The following DNAH11 variants were observed in gnomAD, a reference collection of about 807,000 sequenced individuals.
The protein encoded by DNAH11 is axonemal beta dynein heavy chain 11.
DNAH11 carries 442 observed loss-of-function variants against 526.0 expected under a neutral mutation model. The ratio of observed to expected loss-of-function variants is 0.84; its 90% CI spans 0.78 to 0.91. The LOEUF (loss-of-function observed/expected upper bound fraction) is 0.91, where lower values mean the gene tolerates loss of function less well. Among genes scored for constraint, DNAH11 ranks in the 40% least tolerant of loss-of-function variants. The pLI, the probability that DNAH11 is intolerant of heterozygous loss-of-function variation, is 0.00. For missense variants in DNAH11, 6,989 were observed against 5,448.7 expected (o/e 1.28, Z -8.90); for synonymous variants, 2,461 against 1,935.9 (o/e 1.27, Z -7.12).
At chr7:21,698,930 A>G (rs1252508510) in intron 36 of DNAH11, among the ~76,000 whole-genome samples, 4 of 152,136 alleles carry the variant, frequency 2.6e-5, no homozygotes, top group African/African-American at 9.6e-5. Flanking sequence ...ATAAAATTCG[A>G]AAAACTTATT....
intron 79 of DNAH11, among the ~76,000 whole-genome samples, chr7:21,897,937 T>A (rs2128050900): frequency 6.6e-6 from 1 of 152,344 alleles, no homozygotes; most frequent in South Asian, 2.1e-4. Context: ...TTTCATTTTA[T>A]TGCTTTCACT....
At chr7:21,737,681 A>G (rs1217459908) in intron 46 of DNAH11, among the ~76,000 whole-genome samples, 1 of 152,222 alleles carries the variant, frequency 6.6e-6, no homozygotes, top group Non-Finnish European at 1.5e-5. Context: ...CTGTGGTTGG[A>G]CAAACATGGG....
At chr7:21,764,538 A>G (rs911486058) in intron 54 of DNAH11, among the ~76,000 whole-genome samples, 3 of 152,140 alleles carry the variant, frequency 2.0e-5, no homozygotes, top group Admixed American at 2.0e-4. Context: ...TCACGTACGC[A>G]GGGACTTGAG....
intron 40 of DNAH11, among the ~76,000 whole-genome samples, chr7:21,708,881 C>A (rs1387037713): frequency 6.6e-6 from 1 of 152,078 alleles, no homozygotes; most frequent in Admixed American, 6.6e-5. Context: ...AAATCAAAAT[C>A]ACAATGAGAT....
intron 28 of DNAH11, among the ~76,000 whole-genome samples, chr7:21,649,881 G>C (rs2128463403): frequency 6.6e-6 from 1 of 152,172 alleles, no homozygotes; most frequent in East Asian, 1.9e-4. Flanking sequence ...GGCCAGGCTG[G>C]TCTCAAACTT....
Position 21,901,104 on chromosome 7 carries a change from GGACA to G in DNAH11, c.13406_13409del (p.Arg4469LysfsTer16). 1 of 1,613,544 alleles carries G rather than the reference GGACA, an allele frequency of 6.2e-7. No homozygotes were observed. The highest frequency in any genetic ancestry group is 8.5e-7 in the Non-Finnish European group (1 of 1,179,600). On this transcript the variant is annotated frameshift_variant, in exon 82 of 82. Transcript: ENST00000409508. LOFTEE classifies it high-confidence loss of function. ...TCATCTTTGCAAAAGCCACCCCCGT[GGACA>G]GACAAGAAACCAAACAGACCTACGA...
intron 62 of DNAH11, among the ~76,000 whole-genome samples, chr7:21,805,275 C>T (rs947312288): frequency 3.9e-5 from 6 of 152,260 alleles, no homozygotes; most frequent in Admixed American, 6.5e-5. Context: ...TGTATGCATA[C>T]GCACAAATAC....
chr7:21,752,131 G>A (rs550542207), intron 54 of DNAH11, among the ~76,000 whole-genome samples: 1 of 152,372 alleles, frequency 6.6e-6, no homozygotes, highest in Non-Finnish European at 1.5e-5. Context: ...GAGGCATGAT[G>A]AAATTTAAGA....
rs1421038751 is a variant in DNAH11, at chr7:21,655,882, T to G, written c.4995T>G (p.Phe1665Leu). Residue 1665 changes from phenylalanine to leucine, a missense_variant, in exon 29 of 82, where the codon TTT becomes TTG. Phe to Leu is a conservative substitution (Grantham distance 22). Transcript: ENST00000409508. ...TCGACAGCATTGCAGATCTGCAGTTTGAAGACAATCAGGATGTTTCTGCAC... is the reference window on the plus strand; with the variant it reads ...TCGACAGCATTGCAGATCTGCAGTTGGAAGACAATCAGGATGTTTCTGCAC... The part of the protein sequence containing the change: ...KLFDSIADLQ[F>L]EDNQDVSAHR... The G allele has an allele frequency of 1.2e-6, 2 of 1,613,414 alleles. No individual in the cohort carries two copies. Among genetic ancestry groups the G allele is most frequent in the Non-Finnish European group, 1.7e-6 (2 of 1,179,564 alleles).
chr7:21,854,887 A>T (rs921076124), intron 68 of DNAH11, among the ~76,000 whole-genome samples: 1 of 152,128 alleles, frequency 6.6e-6, no homozygotes, highest in African/African-American at 2.4e-5. Context: ...AGGAGTCATG[A>T]GGATCTGGTT....
At chr7:21,609,839 G>A (rs1219235543) in intron 20 of DNAH11, among the ~76,000 whole-genome samples, 1 of 152,214 alleles carries the variant, frequency 6.6e-6, no homozygotes, top group African/African-American at 2.4e-5. Context: ...TCATGGGGAA[G>A]TAGAAGATGC....
intron 56 of DNAH11, among the ~76,000 whole-genome samples, chr7:21,776,286 G>T (rs1295075890): frequency 1.3e-5 from 2 of 152,150 alleles, no homozygotes; most frequent in Non-Finnish European, 2.9e-5. Flanking sequence ...TTTTCATTAG[G>T]TATTTGTGCA....
chr7:21,646,152 A>G (rs912381027), intron 28 of DNAH11, among the ~76,000 whole-genome samples: 4 of 152,168 alleles, frequency 2.6e-5, no homozygotes, highest in African/African-American at 4.8e-5. Context: ...AAAAGATGGA[A>G]TGGCTAGTAA....
At chr7:21,763,359 A>AAAG (rs941179298) in intron 54 of DNAH11, among the ~76,000 whole-genome samples, 5 of 100,034 alleles carry the variant, frequency 5.0e-5, no homozygotes, top group South Asian at 2.9e-4. Flanking sequence ...AAAAAAAAGA[A>AAAG]AAAAAAAAAG....
intron 38 of DNAH11, among the ~76,000 whole-genome samples, chr7:21,705,126 G>A (rs1418475765): frequency 6.6e-6 from 1 of 151,084 alleles, no homozygotes; most frequent in African/African-American, 2.5e-5. Context: ...ATATTTTATA[G>A]GATATAAATC....
At position 21,901,188 on chromosome 7, in the gene DNAH11, G is replaced by C; in HGVS notation, c.13485G>C (p.Arg4495Ser). ...LRGPSYIWTF[R>S]LKSEEKTAKW... ...GCCCCAGCTACATCTGGACCTTCAG[G>C]CTGAAGAGCGAAGAGAAGACTGCAA... Residue 4495 changes from arginine (R) to serine (S), a missense_variant, in exon 82 of 82, where the codon AGG (arginine) becomes AGC (serine). Arg to Ser is a moderately radical substitution (Grantham distance 110). Transcript: ENST00000409508. The C allele has an allele frequency of 5.6e-6, 9 of 1,613,420 alleles. No individual in the cohort carries two copies. Among genetic ancestry groups the C allele is most frequent in the Non-Finnish European group, 7.6e-6 (9 of 1,179,652 alleles).
At chr7:21,695,764 G>A (rs1411170540) in intron 35 of DNAH11, among the ~76,000 whole-genome samples, 1 of 152,078 alleles carries the variant, frequency 6.6e-6, no homozygotes, top group East Asian at 1.9e-4. Context: ...ACTAAAATGT[G>A]TCTACACAGC....
intron 48 of DNAH11, among the ~76,000 whole-genome samples, chr7:21,740,749 AT>A (rs1785844732): frequency 6.6e-6 from 1 of 152,182 alleles, no homozygotes; most frequent in Admixed American, 6.5e-5. Context: ...CAGCAATACA[AT>A]TGCTGCATCA....
intron 74 of DNAH11, among the ~76,000 whole-genome samples, chr7:21,874,080 C>T (rs745678732): frequency 9.9e-5 from 15 of 151,938 alleles, no homozygotes; most frequent in Non-Finnish European, 1.8e-4. Context: ...CATGAGCCAC[C>T]GCGCCTGGCC....
Sources: allele counts gnomAD v4.1 joint callset (sites outside exome capture counted in the v4.1 genomes callset), GRCh38; gene constraint gnomAD v4.1.1; transcripts MANE v1.5; gene names NCBI Gene and HGNC (gene_info 2026-07-23, HGNC 2026-07-21).